SLC24A4: variants seen among roughly 807,000 people sequenced by gnomAD.
The protein encoded by SLC24A4 is sodium/potassium/calcium exchanger 4.
SLC24A4 carries 53 observed loss-of-function variants against 79.0 expected under a neutral mutation model. The observed-to-expected ratio is 0.67, with a 90% CI of 0.54 to 0.84. The LOEUF (loss-of-function observed/expected upper bound fraction) is 0.84. SLC24A4 is among the 40% of genes least tolerant of loss of function. SLC24A4 has a pLI of 0.00. For synonymous variants in SLC24A4, 323 were observed against 323.8 expected (o/e 1.00, Z 0.03); for missense variants, 731 against 822.0 (o/e 0.89, Z 1.35).
At chr14:92,410,321 A>G (rs1325760465) in intron 2 of SLC24A4, among the ~76,000 whole-genome samples, 1 of 152,180 alleles carries the variant, frequency 6.6e-6, no homozygotes, top group East Asian at 1.9e-4. Context: ...AACTGGGACT[A>G]CAGGTGTGCC....
intron 8 of SLC24A4, among the ~76,000 whole-genome samples, chr14:92,446,767 T>G (rs561310137): frequency 1.3e-5 from 2 of 152,312 alleles, no homozygotes; most frequent in African/African-American, 2.4e-5. Flanking sequence ...CTCCAGGGGC[T>G]TGTGGTCAGA....
chr14:92,435,811 A>C (rs1032842920), intron 3 of SLC24A4, among the ~76,000 whole-genome samples: 2 of 152,226 alleles, frequency 1.3e-5, no homozygotes, highest in Non-Finnish European at 2.9e-5. Context: ...TTATTTCTAT[A>C]ACAGAGTTAT....
rs183268655 is a variant in SLC24A4 at position 92,476,970 on chromosome 14, T to G, written c.1256-5710T>G. ...TTCATCACTTGGTTAATATTTGGGT[T>G]GTTTTCATTTTTTGCTATTATAAAT... On this transcript the variant is annotated intron_variant, in intron 12 of 16. Coordinates refer to ENST00000532405, the MANE Select transcript of SLC24A4 (RefSeq NM_153646.4). Among the ~76,000 whole-genome samples, 271 of 152,370 alleles carry G rather than the reference T, an allele frequency of 1.8e-3. 1 individual carries two copies. The highest frequency in any genetic ancestry group is 6.3e-3 in the African/African-American group (262 of 41,580).
intron 2 of SLC24A4, among the ~76,000 whole-genome samples, chr14:92,361,708 G>A (rs1386136703): frequency 1.3e-5 from 2 of 152,144 alleles, no homozygotes; most frequent in East Asian, 1.9e-4. Flanking sequence ...ACAGAGTGTC[G>A]GGAACAGAGA....
intron 12 of SLC24A4, among the ~76,000 whole-genome samples, chr14:92,478,658 T>C (rs1240388743): frequency 6.6e-6 from 1 of 152,098 alleles, no homozygotes; most frequent in Non-Finnish European, 1.5e-5. Flanking sequence ...GTTTTGTTTT[T>C]TTTTCCAAGA....
At position 92,418,770 on chromosome 14, in the gene SLC24A4, C is replaced by T. The variant is rs533541390; in HGVS notation, c.242-15142C>T. On this transcript the variant is annotated intron_variant, in intron 2 of 16. Transcript: ENST00000532405. ...AGGCTGGAGTGCAGTGGCGTGATCT[C>T]GGCTCACTGCAACCTCTGCCTCCTG... Among the ~76,000 whole-genome samples the T allele has an allele frequency of 7.2e-5, 11 of 152,282 alleles. No individual in the cohort carries two copies. The East Asian group carries it at 1.7e-3, about 24-fold the overall frequency.
intron 10 of SLC24A4, among the ~76,000 whole-genome samples, chr14:92,449,485 G>A (rs1369030344): frequency 6.6e-6 from 1 of 152,168 alleles, no homozygotes; most frequent in African/African-American, 2.4e-5. Context: ...CCACGTTTCT[G>A]GGCGCTTTCC....
intron 2 of SLC24A4, among the ~76,000 whole-genome samples, chr14:92,337,419 C>A (rs920004579): frequency 6.6e-6 from 1 of 152,060 alleles, no homozygotes; most frequent in Non-Finnish European, 1.5e-5. Flanking sequence ...GGACAGAGTC[C>A]CTCATCGTAC....
rs564409889 is a variant in SLC24A4 at position 92,496,505 on chromosome 14, T to C, written c.*2877T>C. ...GAAAAAAAAAACCATTGCACTCAGA[T>C]GGAAAATGCCTATAGACACAGGAGC... is the stretch of plus-strand genomic sequence containing the variant. On this transcript the variant is annotated 3_prime_UTR_variant, in exon 17 of 17. Transcript: ENST00000532405. The C allele has an allele frequency of 2.0e-5, 3 of 152,044 alleles. No homozygotes were observed. Among genetic ancestry groups the C allele is most frequent in the East Asian group, 3.9e-4 (2 of 5,182 alleles). The allele number at this position is 152,044 out of a possible 1,614,324, so 9.4% of individuals were successfully genotyped here. A position where few individuals can be genotyped will look rare whatever the true frequency, so the allele number is the denominator to read the frequency against.
At chr14:92,434,834 C>T (rs945379546) in intron 3 of SLC24A4, among the ~76,000 whole-genome samples, 3 of 152,124 alleles carry the variant, frequency 2.0e-5, no homozygotes, top group Non-Finnish European at 4.4e-5. Flanking sequence ...AGTACAGTGG[C>T]GCGATCTTGG....
chr14:92,474,863 A>ATATATATATATATATATTT lies in SLC24A4; in HGVS notation c.1256-7816_1256-7815insATATATATATATATATTTT, dbSNP rs36185636. On this transcript the variant is annotated intron_variant, in intron 12 of 16. Coordinates refer to ENST00000532405, the MANE Select transcript of SLC24A4 (RefSeq NM_153646.4). ...TGTGTGTATATATATATATATATAT[A>ATATATATATATATATATTT]TTTTTTTTTTTTTTAGTAGACACAG... Among the ~76,000 whole-genome samples the ATATATATATATATATATTT allele has an allele frequency of 3.3e-4, 19 of 57,118 alleles. 1 individual carries two copies. Among genetic ancestry groups the ATATATATATATATATATTT allele is most frequent in the South Asian group, 1.1e-3 (2 of 1,740 alleles). The allele number at this position is 57,118 out of a possible 152,430, so 37.5% of individuals were successfully genotyped here.
At chr14:92,489,514 G>T (rs559402306) in intron 14 of SLC24A4, among the ~76,000 whole-genome samples, 1 of 152,154 alleles carries the variant, frequency 6.6e-6, no homozygotes, top group African/African-American at 2.4e-5. Flanking sequence ...AGGCTGTGCA[G>T]CACGTGCTCT....
intron 3 of SLC24A4, among the ~76,000 whole-genome samples, chr14:92,439,058 A>G (rs1207039702): frequency 6.6e-6 from 1 of 152,146 alleles, no homozygotes; most frequent in Non-Finnish European, 1.5e-5. Context: ...GAGACCAAAT[A>G]TATGTTTCTT....
At chr14:92,365,051 C>T (rs774553199) in intron 2 of SLC24A4, among the ~76,000 whole-genome samples, 12 of 152,232 alleles carry the variant, frequency 7.9e-5, no homozygotes, top group Non-Finnish European at 1.8e-4. Context: ...TGAAGCCCTC[C>T]TGGCTACCCC....
chr14:92,460,641 T>C (rs981501514), intron 12 of SLC24A4, among the ~76,000 whole-genome samples: 1 of 152,168 alleles, frequency 6.6e-6, no homozygotes, highest in African/African-American at 2.4e-5. Flanking sequence ...TGTTCTGGGC[T>C]TTGTGGATCA....
chr14:92,460,020 A>T (rs963877119), intron 12 of SLC24A4, among the ~76,000 whole-genome samples: 1 of 152,088 alleles, frequency 6.6e-6, no homozygotes, highest in Non-Finnish European at 1.5e-5. Context: ...GGACCAGGGG[A>T]GGAATCACAG....
intron 2 of SLC24A4, among the ~76,000 whole-genome samples, chr14:92,405,965 C>T (rs1417984151): frequency 6.6e-6 from 1 of 152,184 alleles, no homozygotes; most frequent in Non-Finnish European, 1.5e-5. Flanking sequence ...TCCAAAGTCT[C>T]ATCTGAAACA....
chr14:92,363,500 G>A (rs4904879), intron 2 of SLC24A4, among the ~76,000 whole-genome samples: 114,298 of 152,194 alleles, frequency 0.75, 46,517 homozygotes, highest in East Asian at 0.95. Context: ...TTTGCCAAGC[G>A]TTGCATGTAG....
At chr14:92,483,930 CCTTTCCCTT>C in intron 13 of SLC24A4, 1 of 1,260,560 alleles carries the variant, frequency 7.9e-7, no homozygotes, top group Non-Finnish European at 1.0e-6. Flanking sequence ...CCAGGGGCCA[CCTTTCCCTT>C]AACTCCAGAG....
Sources: gnomAD v4.1 joint callset for allele counts (sites outside exome capture counted in the v4.1 genomes callset) on GRCh38, gnomAD v4.1.1 for gene constraint, MANE v1.5 for transcripts, NCBI Gene and HGNC (gene_info 2026-07-23, HGNC 2026-07-21) for gene names.